Variants in PRRC2B observed in about 807,000 individuals in gnomAD.
PRRC2B encodes proline rich coiled-coil 2B.
Under a neutral mutation model 242.3 loss-of-function variants are expected in PRRC2B, and 68 were observed. The observed-to-expected ratio is 0.28, with a 90% CI of 0.23 to 0.34. PRRC2B has a LOEUF of 0.34. Ranked by LOEUF, PRRC2B falls within the 10% of genes least tolerant of loss-of-function variation. The pLI is 1.00. For missense variants in PRRC2B, 2,835 were observed against 2,954.8 expected (o/e 0.96, Z 0.94); for synonymous variants, 1,228 against 1,173.6 (o/e 1.05, Z -0.95).
At chr9:131,412,152 G>T (rs535442562) in intron 1 of PRRC2B, among the ~76,000 whole-genome samples, 33 of 152,238 alleles carry the variant, frequency 2.2e-4, no homozygotes, top group African/African-American at 7.9e-4. Context: ...GAACATGTTT[G>T]CTCATCTACG....
chr9:131,426,050 C>T (rs947424900), intron 1 of PRRC2B, among the ~76,000 whole-genome samples: 8 of 151,544 alleles, frequency 5.3e-5, no homozygotes, highest in Middle Eastern at 3.2e-3. Flanking sequence ...AGAAATCATT[C>T]GATGTTGCCA....
intron 1 of PRRC2B, among the ~76,000 whole-genome samples, chr9:131,418,042 C>T (rs975588838): frequency 2.6e-5 from 4 of 152,310 alleles, no homozygotes; most frequent in Middle Eastern, 3.4e-3. Context: ...TCTGTCCTTC[C>T]CTCCAGACGC....
chr9:131,425,606 G>T (rs1198986515), intron 1 of PRRC2B, among the ~76,000 whole-genome samples: 1 of 151,664 alleles, frequency 6.6e-6, no homozygotes, highest in Non-Finnish European at 1.5e-5. Context: ...TCCTGCCTCA[G>T]TCCCCCAAGT....
At chr9:131,421,432 A>G (rs1564278967) in intron 1 of PRRC2B, among the ~76,000 whole-genome samples, 1 of 152,232 alleles carries the variant, frequency 6.6e-6, no homozygotes, top group South Asian at 2.1e-4. Flanking sequence ...TAAACTGTCC[A>G]GTGGCCACGT....
intron 30 of PRRC2B, among the ~76,000 whole-genome samples, chr9:131,492,502 G>A (rs1564303754): frequency 6.6e-6 from 1 of 152,198 alleles, no homozygotes; most frequent in Admixed American, 6.5e-5. Context: ...TCTGGATTGG[G>A]GAGCTTTCTG....
chr9:131,461,424 A>G (rs749318993), intron 11 of PRRC2B, among the ~76,000 whole-genome samples: 2 of 152,138 alleles, frequency 1.3e-5, no homozygotes, highest in Non-Finnish European at 2.9e-5. Context: ...CCTGGCTTGC[A>G]TTGCCACACC....
intron 1 of PRRC2B, among the ~76,000 whole-genome samples, chr9:131,388,231 T>C (rs1836850816): frequency 6.8e-6 from 1 of 147,366 alleles, no homozygotes; most frequent in African/African-American, 2.5e-5. Context: ...CATCAACTTT[T>C]ACTTTTACTT....
In PRRC2B at chr9:131,386,850, A is replaced by G. The variant is rs574086796; in HGVS notation, c.-56+13119A>G. 2.3e-3 allele frequency among the ~76,000 whole-genome samples: 351 copies of G among 149,382 alleles called. 1 individual carries two copies. The highest frequency in any genetic ancestry group is 8.1e-3 in the African/African-American group (334 of 41,100). On this transcript the variant is annotated intron_variant, in intron 1 of 1. Coordinates refer to the PRRC2B transcript ENST00000682525. Reference sequence around the variant, plus strand: ...TATATAAGTCATATATATATATAGGAGTTTATTAAGTATTAATTTACACGA... The same window carrying G: ...TATATAAGTCATATATATATATAGGGGTTTATTAAGTATTAATTTACACGA...
intron 30 of PRRC2B, among the ~76,000 whole-genome samples, chr9:131,492,793 C>T (rs1381161425): frequency 6.6e-6 from 1 of 152,224 alleles, no homozygotes; most frequent in Non-Finnish European, 1.5e-5. Flanking sequence ...GTCTCAGGTC[C>T]CCTTAGCTGG....
At chr9:131,393,554 A>G (rs543384261), upstream of PRRC2B, among the ~76,000 whole-genome samples, 1 of 152,360 alleles carries the variant, frequency 6.6e-6, no homozygotes, top group South Asian at 2.1e-4. Flanking sequence ...TGAAATGAAA[A>G]AAGTATTATT....
intron 28 of PRRC2B, among the ~76,000 whole-genome samples, 173 bp downstream of exon 28, chr9:131,488,269 C>CTTT (rs397690778): frequency 2.1e-5 from 3 of 144,734 alleles, no homozygotes; most frequent in African/African-American, 2.5e-5. Flanking sequence ...GCCCCATCAC[C>CTTT]TTTTTTTTTT....
At chr9:131,424,555 G>A (rs187799113) in intron 1 of PRRC2B, among the ~76,000 whole-genome samples, 35 of 152,116 alleles carry the variant, frequency 2.3e-4, no homozygotes, top group African/African-American at 7.2e-4. Flanking sequence ...GCGTGGTGGC[G>A]CGCACCTGTA....
chr9:131,411,705 C>T (rs993982168), intron 1 of PRRC2B, among the ~76,000 whole-genome samples: 1 of 152,030 alleles, frequency 6.6e-6, no homozygotes, highest in Non-Finnish European at 1.5e-5. Flanking sequence ...AGATTCAAAA[C>T]TTTTTTAGTA....
At chr9:131,470,734 A>G in intron 13 of PRRC2B, 54 bp from the exon 14 acceptor site, 1 of 1,480,254 alleles carries the variant, frequency 6.8e-7, no homozygotes, top group Non-Finnish European at 9.4e-7. Context: ...GTTGGGTGGC[A>G]TCTCTGTCCC....
intron 17 of PRRC2B, 90 bp from the exon 18 acceptor site, chr9:131,478,384 G>A: frequency 7.8e-7 from 1 of 1,274,396 alleles, no homozygotes; most frequent in Non-Finnish European, 1.1e-6. Flanking sequence ...TGTCGAGCCT[G>A]ATGCTAGATC....
At chr9:131,426,846 A>T (rs1837989710) in intron 1 of PRRC2B, among the ~76,000 whole-genome samples, 1 of 152,240 alleles carries the variant, frequency 6.6e-6, no homozygotes, top group Admixed American at 6.5e-5. Flanking sequence ...TGTGGGCAGC[A>T]GTCCCATCAT....
chr9:131,430,333 A>T (rs1361415511), intron 2 of PRRC2B, 74 bp downstream of exon 2: 17 of 871,606 alleles, frequency 2.0e-5, no homozygotes, highest in Non-Finnish European at 1.5e-5. Flanking sequence ...AGAGTCCCTC[A>T]CCTGGTTAGA....
In PRRC2B at chr9:131,491,445, G is replaced by T. The variant is rs1944191796; in HGVS notation, c.6246G>T (p.Arg2082=). ...QLPQLTMPLP[R]YGSGQQPLIL... is the part of the protein sequence containing the mutation. ...AGCAGCTGACCATGCCACTGCCTCG[G>T]TACGGCTCCGGGCAGCAGCCACTGA... The change falls in exon 29 of 32, where the codon CGG becomes CGT. Residue 2082 remains arginine, a synonymous_variant. Coordinates refer to ENST00000683519, the MANE Select transcript of PRRC2B (RefSeq NM_013318.4). 1 of 1,608,142 alleles carries T rather than the reference G, an allele frequency of 6.2e-7. No individual in the cohort carries two copies.
At position 131,434,949 on chromosome 9, in the gene PRRC2B, T is replaced by C. The variant is rs139301401; in HGVS notation, c.294-1671T>C. Among the ~76,000 whole-genome samples the C allele has an allele frequency of 4.7e-3, 713 of 152,242 alleles. 1 individual carries two copies. The highest frequency in any genetic ancestry group is 0.01 in the Middle Eastern group (3 of 294). ...TCTTTTGATCCAGCATTTCCATTTC[T>C]AAGGTCGTATGCTATGGAATTACTT... is the stretch of plus-strand genomic sequence containing the variant. On this transcript the variant is annotated intron_variant, in intron 3 of 31. Coordinates refer to ENST00000683519, the MANE Select transcript of PRRC2B (RefSeq NM_013318.4).
Sources: allele counts gnomAD v4.1 joint callset (sites outside exome capture counted in the v4.1 genomes callset), GRCh38; gene constraint gnomAD v4.1.1; transcripts MANE v1.5; gene names NCBI Gene and HGNC (gene_info 2026-07-23, HGNC 2026-07-21).